The following SRGAP2B variants were observed in gnomAD, a reference collection of about 807,000 sequenced individuals.
The protein encoded by SRGAP2B is SLIT-ROBO Rho GTPase activating protein 2B.
In SRGAP2B, 9 loss-of-function variants were observed where a neutral mutation model predicts 22.2. That is an observed-to-expected ratio of 0.41 (90% CI 0.24 to 0.71). The LOEUF is 0.71. Ranked by LOEUF, SRGAP2B falls within the 30% of genes least tolerant of loss-of-function variation. The pLI is 0.35. For missense variants in SRGAP2B, 114 were observed against 235.8 expected, an observed-to-expected ratio of 0.48 and a Z score of 3.38; for synonymous variants, 36 against 87.4, an observed-to-expected ratio of 0.41 and a Z score of 3.28.
chr1:144,970,214 A>G (rs1553613016), intron 3 of SRGAP2B, among the ~76,000 whole-genome samples: 1 of 136,096 alleles, frequency 7.3e-6, no homozygotes, highest in African/African-American at 3.0e-5. Context: ...TTATTGCGGC[A>G]TTATTCACAA....
intron 2 of SRGAP2B, among the ~76,000 whole-genome samples, chr1:144,999,371 CCAAA>C (rs1299476687): frequency 6.8e-6 from 1 of 148,090 alleles, no homozygotes; most frequent in Non-Finnish European, 1.5e-5. Flanking sequence ...ATATATACAT[CCAAA>C]CAGCCTCCCC....
chr1:145,006,642 T>C (rs1271127046), intron 2 of SRGAP2B, among the ~76,000 whole-genome samples: 6 of 150,824 alleles, frequency 4.0e-5, no homozygotes, highest in Non-Finnish European at 7.4e-5. Context: ...CAACTCAATA[T>C]ACATGTGAAG....
intron 2 of SRGAP2B, among the ~76,000 whole-genome samples, chr1:145,014,308 AC>A (rs1672262934): frequency 6.8e-6 from 1 of 147,512 alleles, no homozygotes; most frequent in Admixed American, 6.7e-5. Context: ...CTCAAAAAAA[AC>A]AACAACAACA....
At chr1:144,963,795 G>A (rs1307898696) in intron 3 of SRGAP2B, among the ~76,000 whole-genome samples, 15 of 152,062 alleles carry the variant, frequency 9.9e-5, no homozygotes, top group Admixed American at 9.2e-4. Flanking sequence ...CCCCTTAAGA[G>A]CAAGCATCTC....
intron 3 of SRGAP2B, among the ~76,000 whole-genome samples, chr1:144,992,272 C>G (rs1450526284): frequency 1.3e-5 from 2 of 150,818 alleles, no homozygotes; most frequent in African/African-American, 2.5e-5. Context: ...TAACACTCAC[C>G]GCGAGGGTCC....
At position 144,914,016 on chromosome 1, in the gene SRGAP2B, A is replaced by AACC. The variant is rs1159150813; in HGVS notation, c.486+673_486+675dup. On this transcript the variant is annotated intron_variant, in intron 5 of 9. Coordinates refer to ENST00000612199, the Ensembl canonical transcript of SRGAP2B. Reference sequence around the variant, plus strand: ...AATTAGAAAAACATGGCTGGGGAACAACCACCACCACCACCTCTCTGCGCA... The same window carrying AACC: ...AATTAGAAAAACATGGCTGGGGAACAACCACCACCACCACCACCTCTCTGCGCA... Among the ~76,000 whole-genome samples, 22 of 148,586 alleles carry AACC rather than the reference A, an allele frequency of 1.5e-4. No individual in the cohort carries two copies. In the East Asian group the frequency reaches 4.3e-3, roughly 29 times the overall value.
At chr1:144,899,301 TC>T (rs1400278704) in intron 7 of SRGAP2B, among the ~76,000 whole-genome samples, 415 of 83,214 alleles carry the variant, frequency 5.0e-3, no homozygotes, top group African/African-American at 0.017. Flanking sequence ...TCATTTTTTT[TC>T]CCCAAGGTAA....
At chr1:144,925,693 G>A (rs191921545) in intron 4 of SRGAP2B, among the ~76,000 whole-genome samples, 4,076 of 130,396 alleles carry the variant, frequency 0.031, 169 homozygotes, top group African/African-American at 0.11. Context: ...AAGTGGGGGG[G>A]CAGAGAGAGA....
intron 4 of SRGAP2B, among the ~76,000 whole-genome samples, chr1:144,926,502 A>G (rs1420825942): frequency 2.9e-5 from 4 of 140,052 alleles, no homozygotes; most frequent in Non-Finnish European, 6.2e-5. Flanking sequence ...CCCCACCCAG[A>G]CACAGATTCT....
In SRGAP2B at chr1:144,956,086, G is replaced by C. The variant is rs7523698; in HGVS notation, c.261-485C>G. On this transcript the variant is annotated intron_variant, in intron 3 of 9. Transcript: ENST00000612199. ...ATTGTCTGGCTAGACCAGGTCTAAGGTGATTCTGAAGTCCATCATTTTAGC... is the reference window on the plus strand; with the variant it reads ...ATTGTCTGGCTAGACCAGGTCTAAGCTGATTCTGAAGTCCATCATTTTAGC... 9.5e-4 allele frequency among the ~76,000 whole-genome samples: 142 copies of C among 150,050 alleles called. 9 individuals are homozygous for C. The highest frequency in any genetic ancestry group is 3.4e-3 in the African/African-American group (134 of 39,870).
chr1:144,943,231 A>AAAGTACACT, intron 4 of SRGAP2B, among the ~76,000 whole-genome samples: 1 of 138,666 alleles, frequency 7.2e-6, no homozygotes, highest in Non-Finnish European at 1.5e-5. Context: ...ATACTAGATT[A>AAAGTACACT]AAGTACACTT....
chr1:145,036,760 CT>C (rs1553626736), intron 2 of SRGAP2B, among the ~76,000 whole-genome samples: 1 of 81,242 alleles, frequency 1.2e-5, no homozygotes, highest in Non-Finnish European at 2.5e-5. Context: ...TCTAAAAGTG[CT>C]TTCTACACTT....
intron 3 of SRGAP2B, among the ~76,000 whole-genome samples, chr1:144,963,710 G>A (rs1332593641): frequency 2.0e-5 from 3 of 151,766 alleles, no homozygotes; most frequent in African/African-American, 4.9e-5. Context: ...TCATTCTAGA[G>A]AAATAAATAC....
intron 2 of SRGAP2B, among the ~76,000 whole-genome samples, chr1:145,021,814 C>CAA (rs71074453): frequency 1.7e-4 from 12 of 70,264 alleles, no homozygotes; most frequent in African/African-American, 4.6e-4. Context: ...AACTCCGTCT[C>CAA]AAAAAAAAAA....
intron 3 of SRGAP2B, among the ~76,000 whole-genome samples, chr1:144,959,231 C>G (rs1348996342): frequency 6.7e-6 from 1 of 148,944 alleles, no homozygotes; most frequent in Non-Finnish European, 1.5e-5. Flanking sequence ...CATACCATCT[C>G]ATCATCAGTT....
At chr1:145,016,851 T>G (rs199490554) in intron 2 of SRGAP2B, among the ~76,000 whole-genome samples, 1,982 of 151,146 alleles carry the variant, frequency 0.013, 115 homozygotes, top group Admixed American at 0.089. Context: ...AGTTTTTTTT[T>G]TTTTGTTTTT....
chr1:145,011,866 A>G, intron 2 of SRGAP2B, among the ~76,000 whole-genome samples: 1 of 150,366 alleles, frequency 6.7e-6, no homozygotes, highest in South Asian at 2.1e-4. Flanking sequence ...CCCAGTGGAG[A>G]AAAGCTAACG....
intron 2 of SRGAP2B, among the ~76,000 whole-genome samples, chr1:145,041,075 GTATATATATATA>G (rs370443273): frequency 1.6e-4 from 12 of 76,470 alleles, no homozygotes; most frequent in African/African-American, 4.6e-4. Flanking sequence ...TATATATATA[GTATATATATATA>G]TATATATATA....
intron 4 of SRGAP2B, among the ~76,000 whole-genome samples, chr1:144,920,567 T>TA (rs1216713358): frequency 6.7e-6 from 1 of 149,524 alleles, no homozygotes; most frequent in Non-Finnish European, 1.5e-5. Flanking sequence ...GGCTAATTTT[T>TA]AAAAAAATTG....
Sources: gnomAD v4.1 joint callset for allele counts (sites outside exome capture counted in the v4.1 genomes callset) on GRCh38, gnomAD v4.1.1 for gene constraint, MANE v1.5 for transcripts, NCBI Gene and HGNC (gene_info 2026-07-23, HGNC 2026-07-21) for gene names.